Variants in ABL1 observed in about 807,000 individuals in gnomAD.
The protein encoded by ABL1 is ABL proto-oncogene 1, non-receptor tyrosine kinase, also known as tyrosine-protein kinase ABL1.
A neutral mutation model predicts 94.7 loss-of-function variants in ABL1; 11 were observed. The observed-to-expected ratio is 0.12, with a 90% CI of 0.07 to 0.19. ABL1 has a LOEUF of 0.19. Among genes scored for constraint, ABL1 ranks in the 10% least tolerant of loss-of-function variants. The pLI is 1.00. For synonymous variants in ABL1, 656 were observed against 622.4 expected, an observed-to-expected ratio of 1.05 and a Z score of -0.80; for missense variants, 1,082 against 1,489.4, an observed-to-expected ratio of 0.73 and a Z score of 4.50.
At chr9:130,796,945 A>C (rs11244144) in intron 1 of ABL1, among the ~76,000 whole-genome samples, 1 of 142,196 alleles carries the variant, frequency 7.0e-6, no homozygotes, top group Non-Finnish European at 1.5e-5. Context: ...AAAAAAAGGC[A>C]CTTTTTTTTT....
chr9:130,859,070 CA>C (rs1234364711), intron 3 of ABL1, among the ~76,000 whole-genome samples: 7 of 152,174 alleles, frequency 4.6e-5, no homozygotes, highest in Non-Finnish European at 8.8e-5. Context: ...ATTTGACTGT[CA>C]TTGTTCTGAT....
intron 1 of ABL1, among the ~76,000 whole-genome samples, chr9:130,724,537 C>T (rs752201055): frequency 6.6e-6 from 1 of 151,418 alleles, no homozygotes; most frequent in South Asian, 2.1e-4. Flanking sequence ...TGGCTGGGCT[C>T]GGTGGCTCAT....
Position 130,872,245 on chromosome 9 carries a change from C to T in ABL1, c.907+32C>T. ...AAGCCCGGGGCTCTGAAGAGAGGGT[C>T]TCGCGCCGCACCCCCAGGGTGACAC... On this transcript the variant is annotated intron_variant, in intron 5 of 10. Coordinates refer to ENST00000318560, the MANE Select transcript of ABL1 (RefSeq NM_005157.6). This position sits in a 1 kb window ranked among gnomAD's most constrained non-coding sequence, Gnocchi z 5.0. 6.3e-7 allele frequency: 1 copy of T among 1,595,456 alleles called. No homozygotes were observed. Among genetic ancestry groups the T allele is most frequent in the Non-Finnish European group, 8.6e-7 (1 of 1,165,182 alleles).
At chr9:130,785,914 C>A (rs895345753) in intron 1 of ABL1, among the ~76,000 whole-genome samples, 1 of 125,334 alleles carries the variant, frequency 8.0e-6, no homozygotes, top group Non-Finnish European at 1.6e-5. Context: ...CATTCTGGAA[C>A]TCTGTCTCAA....
chr9:130,725,349 G>T (rs1304674374), intron 1 of ABL1, among the ~76,000 whole-genome samples: 1 of 150,180 alleles, frequency 6.7e-6, no homozygotes, highest in Non-Finnish European at 1.5e-5. Context: ...GCCCTTTTGT[G>T]TCTGGCTTAT....
intron 1 of ABL1, among the ~76,000 whole-genome samples, chr9:130,763,321 T>TA (rs1564283381): frequency 8.7e-6 from 1 of 115,404 alleles, no homozygotes; most frequent in East Asian, 2.9e-4. Context: ...AACATTTTTG[T>TA]GGTTTTTTTT....
chr9:130,861,101 G>A (rs564636297), intron 3 of ABL1, among the ~76,000 whole-genome samples: 1 of 152,138 alleles, frequency 6.6e-6, no homozygotes, highest in South Asian at 2.1e-4. Context: ...AAGAATAAAA[G>A]CAGGGCCGCC....
intron 1 of ABL1, among the ~76,000 whole-genome samples, chr9:130,725,536 A>G (rs895212962): frequency 1.3e-5 from 2 of 151,794 alleles, no homozygotes; most frequent in African/African-American, 2.4e-5. Flanking sequence ...ATGTGCCACC[A>G]TGCCTGGCTA....
intron 1 of ABL1, among the ~76,000 whole-genome samples, chr9:130,824,710 T>A (rs1830403224): frequency 6.6e-6 from 1 of 152,206 alleles, no homozygotes. Flanking sequence ...TTTGCTGTTT[T>A]GTTTTCAAGC....
In ABL1 at chr9:130,753,327, C is replaced by T. The variant is rs144367436; in HGVS notation, c.136+38872C>T. On this transcript the variant is annotated intron_variant, in intron 1 of 10. Coordinates refer to the ABL1 transcript ENST00000372348. Reference sequence around the variant, plus strand: ...GAACTTGGCTATCACTTCCTCTGTTCCCACTGCATGCTGTGCTATTGCTGT... The same window carrying T: ...GAACTTGGCTATCACTTCCTCTGTTTCCACTGCATGCTGTGCTATTGCTGT... 4.9e-4 allele frequency among the ~76,000 whole-genome samples: 75 copies of T among 152,166 alleles called. No individual in the cohort carries two copies. The East Asian group carries it at 0.013, about 26-fold the overall frequency.
At chr9:130,726,830 G>A (rs183402990) in intron 1 of ABL1, among the ~76,000 whole-genome samples, 15 of 152,252 alleles carry the variant, frequency 9.9e-5, no homozygotes, top group Admixed American at 5.9e-4. Flanking sequence ...AATTTAGATC[G>A]ATTCCAAACC....
chr9:130,850,879 G>A (rs977400875), intron 1 of ABL1, among the ~76,000 whole-genome samples: 17 of 151,998 alleles, frequency 1.1e-4, no homozygotes, highest in African/African-American at 4.1e-4. Flanking sequence ...ACACTAAATG[G>A]GGGTGGGGAT....
At chr9:130,850,442 A>G (rs1266708453) in intron 1 of ABL1, among the ~76,000 whole-genome samples, 1 of 152,180 alleles carries the variant, frequency 6.6e-6, no homozygotes, top group Non-Finnish European at 1.5e-5. Context: ...GTGAGATGAT[A>G]TATTCATTAT....
intron 1 of ABL1, among the ~76,000 whole-genome samples, chr9:130,750,827 A>G (rs1295609556): frequency 6.7e-6 from 1 of 150,060 alleles, no homozygotes; most frequent in Non-Finnish European, 1.5e-5. Context: ...TTATATTTTT[A>G]TTAGACACAG....
At chr9:130,875,172 C>CAAA in intron 7 of ABL1, 120 bp downstream of exon 7, 4 of 1,125,552 alleles carry the variant, frequency 3.6e-6, no homozygotes, top group Middle Eastern at 3.0e-4. Context: ...GACGGAGTCT[C>CAAA]ACTCTGTCAC....
intron 1 of ABL1, among the ~76,000 whole-genome samples, chr9:130,758,824 C>T (rs1832073989): frequency 1.3e-5 from 2 of 152,294 alleles, no homozygotes; most frequent in Non-Finnish European, 1.5e-5. Context: ...TGACCAGTGC[C>T]GGCTGCAGGC....
At chr9:130,748,640 A>G (rs1337538434) in intron 1 of ABL1, among the ~76,000 whole-genome samples, 1 of 150,478 alleles carries the variant, frequency 6.6e-6, no homozygotes, top group East Asian at 2.0e-4. Flanking sequence ...CAGTGGCGTG[A>G]TCTTGGCTCA....
intron 1 of ABL1, among the ~76,000 whole-genome samples, chr9:130,760,907 A>G (rs1832104070): frequency 7.3e-6 from 1 of 136,120 alleles, no homozygotes; most frequent in Admixed American, 7.7e-5. Flanking sequence ...CCTCGTGGTC[A>G]GCCCCCGCAA....
chr9:130,758,959 CT>C (rs1197654484), intron 1 of ABL1, among the ~76,000 whole-genome samples: 1 of 152,118 alleles, frequency 6.6e-6, no homozygotes, highest in African/African-American at 2.4e-5. Flanking sequence ...TGACCATGAC[CT>C]TTTTTTGGTG....
Sources: gnomAD v4.1 joint callset for allele counts (sites outside exome capture counted in the v4.1 genomes callset) on GRCh38, gnomAD v4.1.1 for gene constraint, Gnocchi (gnomAD v3.1) non-coding constraint, MANE v1.5 for transcripts, NCBI Gene and HGNC (gene_info 2026-07-23, HGNC 2026-07-21) for gene names.